Variants in PLB1 observed in about 807,000 individuals in gnomAD.
PLB1 encodes the protein phospholipase B1, also known as phospholipase B1, membrane-associated.
Under a neutral mutation model 227.4 loss-of-function variants are expected in PLB1, and 242 were observed. The observed-to-expected ratio is 1.06, with a 90% CI of 0.96 to 1.18. PLB1 has a LOEUF of 1.18. Among genes scored for constraint, PLB1 ranks in the 50% most tolerant of loss-of-function variants. The probability of loss-of-function intolerance (pLI) is 0.00; values close to 1 mark genes in which losing one functional copy is unlikely to be tolerated. For missense variants in PLB1, 1,858 were observed against 1,816.3 expected (o/e 1.02, Z -0.42); for synonymous variants, 757 against 682.2 (o/e 1.11, Z -1.71).
At chr2:28,573,142 A>G (rs924672190) in intron 20 of PLB1, 55 bp from the exon 21 acceptor site, 37 of 1,399,958 alleles carry the variant, frequency 2.6e-5, no homozygotes, top group Non-Finnish European at 3.5e-5. Flanking sequence ...TATCAAAGGA[A>G]TTTGAAGATT....
chr2:28,618,334 C>G lies in PLB1; in HGVS notation c.3257-7C>G. 5 of 1,614,004 alleles carry G rather than the reference C, an allele frequency of 3.1e-6. No individual in the cohort carries two copies. The highest frequency in any genetic ancestry group is 4.2e-6 in the Non-Finnish European group (5 of 1,179,892). The stretch of plus-strand genomic sequence containing the variant: ...CCCACAACCACCTCTCTGCTTGTCT[C>G]CCCTAGTCCACCAGCTCCGACCAGC... On this transcript the variant is annotated splice_polypyrimidine_tract_variant and splice_region_variant and intron_variant, in intron 45 of 57. Coordinates refer to ENST00000327757, the MANE Select transcript of PLB1 (RefSeq NM_153021.5).
Position 28,525,355 on chromosome 2 carries a change from C to G in PLB1, c.284+48C>G, listed in dbSNP as rs753647562. 19 of 1,574,852 alleles carry G rather than the reference C, an allele frequency of 1.2e-5. No individual in the cohort carries two copies. In the African/African-American group the frequency reaches 2.3e-4, roughly 19 times the overall value. ...AAACAGAAAGGAGCCCGGAGATGCT[C>G]CCATCTAATCTTCTTGCCTTATTAA... On this transcript the variant is annotated intron_variant, in intron 5 of 57. Coordinates refer to ENST00000327757, the MANE Select transcript of PLB1 (RefSeq NM_153021.5).
At chr2:28,633,772 C>A (rs994450572) in intron 56 of PLB1, among the ~76,000 whole-genome samples, 1 of 152,244 alleles carries the variant, frequency 6.6e-6, no homozygotes, top group Non-Finnish European at 1.5e-5. Context: ...ACAACTGGAT[C>A]CTCTTGCACG....
chr2:28,627,702 G>T (rs1024394024), intron 51 of PLB1, among the ~76,000 whole-genome samples: 2 of 152,148 alleles, frequency 1.3e-5, no homozygotes, highest in Non-Finnish European at 2.9e-5. Flanking sequence ...CAGTGTGCTG[G>T]AATTGAGTGC....
In PLB1 at chr2:28,618,311, C is replaced by A. The variant is rs568829278; in HGVS notation, c.3257-30C>A. The A allele has an allele frequency of 1.9e-6, 3 of 1,608,534 alleles. No homozygotes were observed. In the South Asian group the frequency reaches 3.3e-5, roughly 18 times the overall value. ...TTAAGAGGTAGATACCCCCAGCCCC[C>A]ACAACCACCTCTCTGCTTGTCTCCC... is the stretch of plus-strand genomic sequence containing the variant. On this transcript the variant is annotated intron_variant, in intron 45 of 57. Coordinates refer to ENST00000327757, the MANE Select transcript of PLB1 (RefSeq NM_153021.5).
intron 19 of PLB1, among the ~76,000 whole-genome samples, chr2:28,566,151 C>G (rs75683675): frequency 0.036 from 5,485 of 152,174 alleles, 141 homozygotes; most frequent in Middle Eastern, 0.075. Flanking sequence ...ACCTGAGTGC[C>G]GAGTCTCTGG....
intron 32 of PLB1, among the ~76,000 whole-genome samples, chr2:28,593,266 T>A (rs1435469422): frequency 6.6e-6 from 1 of 152,208 alleles, no homozygotes; most frequent in Non-Finnish European, 1.5e-5. Flanking sequence ...AATGTGAGAC[T>A]TAGGAGAGAT....
Position 28,593,375 on chromosome 2 carries a change from C to T in PLB1, c.2248-306C>T, listed in dbSNP as rs536180030. 1.2e-4 allele frequency among the ~76,000 whole-genome samples: 18 copies of T among 152,340 alleles called. No homozygotes were observed. In the South Asian group the frequency reaches 2.9e-3, roughly 25 times the overall value. ...GAACGACATTATTAACACTCTCTCACGTTTGTAAAACACTTGAGAGTTTTC... is the reference window on the plus strand; with the variant it reads ...GAACGACATTATTAACACTCTCTCATGTTTGTAAAACACTTGAGAGTTTTC... On this transcript the variant is annotated intron_variant, in intron 32 of 57. Coordinates refer to ENST00000327757, the MANE Select transcript of PLB1 (RefSeq NM_153021.5).
intron 13 of PLB1, among the ~76,000 whole-genome samples, 184 bp downstream of exon 13, chr2:28,541,995 T>C (rs975269626): frequency 2.0e-5 from 3 of 152,054 alleles, no homozygotes; most frequent in Admixed American, 6.5e-5. Flanking sequence ...TAGCCAGGCA[T>C]GATGGTGGGC....
In PLB1 at chr2:28,532,105, C is replaced by G. The variant is rs1020971568; in HGVS notation, c.469-3C>G. The G allele has an allele frequency of 6.2e-6, 10 of 1,608,376 alleles. No individual in the cohort carries two copies. Among genetic ancestry groups the G allele is most frequent in the Non-Finnish European group, 8.5e-6 (10 of 1,176,604 alleles). On this transcript the variant is annotated splice_region_variant and splice_polypyrimidine_tract_variant and intron_variant, in intron 8 of 57. Transcript: ENST00000327757. ...CTTTTCATGCTGTTGCCCTTTTATT[C>G]AGCAACTTGACTTTCAATTTGACTG...
chr2:28,606,793 G>A (rs1386374067), intron 43 of PLB1, among the ~76,000 whole-genome samples: 1 of 152,190 alleles, frequency 6.6e-6, no homozygotes, highest in Non-Finnish European at 1.5e-5. Flanking sequence ...AGGGAGAGGA[G>A]GCCTGGGCCC....
At chr2:28,642,694 AG>A (rs1690104809) in intron 57 of PLB1, among the ~76,000 whole-genome samples, 163 bp from the exon 58 acceptor site, 1 of 152,176 alleles carries the variant, frequency 6.6e-6, no homozygotes, top group Non-Finnish European at 1.5e-5. Flanking sequence ...CCCGCTAAAG[AG>A]GGTTTGGGCA....
chr2:28,533,126 G>C (rs1202446414), intron 9 of PLB1, among the ~76,000 whole-genome samples: 2 of 152,024 alleles, frequency 1.3e-5, no homozygotes, highest in African/African-American at 4.8e-5. Flanking sequence ...TTTCTTTTCT[G>C]TGCCCCTCTC....
At chr2:28,626,557 C>A in intron 51 of PLB1, 49 bp downstream of exon 51, 1 of 1,527,186 alleles carries the variant, frequency 6.5e-7, no homozygotes, top group Non-Finnish European at 9.1e-7. Flanking sequence ...AGGTGCTGAC[C>A]TCTGGCAACA....
At position 28,604,680 on chromosome 2, in the gene PLB1, C is replaced by G. The variant is rs780016305; in HGVS notation, c.2882C>G (p.Ser961Ter). Residue 961 changes from serine (S) to a stop codon, truncating the protein, a stop_gained, in exon 41 of 58, where the codon TCA (serine) becomes TGA (stop). Coordinates refer to ENST00000327757, the MANE Select transcript of PLB1 (RefSeq NM_153021.5). LOFTEE classifies it high-confidence loss of function. ...YRSSMRELVG[S>*]GRYDTQEDFS... ...AGCAGCATGCGCGAGCTGGTGGGGT[C>G]AGGCCGCTATGACACGCAGGAGGAC... 3 of 1,614,122 alleles carry G rather than the reference C, an allele frequency of 1.9e-6. No homozygotes were observed. In the African/African-American group the frequency reaches 4.0e-5, roughly 22 times the overall value.
At chr2:28,525,729 A>G (rs149104521) in intron 5 of PLB1, among the ~76,000 whole-genome samples, 176 bp from the exon 6 acceptor site, 1 of 152,134 alleles carries the variant, frequency 6.6e-6, no homozygotes, top group Non-Finnish European at 1.5e-5. Flanking sequence ...TGTTTTCCCC[A>G]TTTTGGCTAC....
chr2:28,580,357 G>C (rs11679136), intron 23 of PLB1, among the ~76,000 whole-genome samples: 1 of 152,028 alleles, frequency 6.6e-6, no homozygotes, highest in East Asian at 1.9e-4. Flanking sequence ...GAGACAGGCA[G>C]TTCATCACAG....
At chr2:28,596,464 C>T (rs1682928128) in intron 33 of PLB1, among the ~76,000 whole-genome samples, 2 of 152,096 alleles carry the variant, frequency 1.3e-5, no homozygotes, top group Non-Finnish European at 2.9e-5. Flanking sequence ...TACCTTTAAA[C>T]AAGAAATTAC....
Position 28,508,022 on chromosome 2 carries a change from T to C in PLB1, c.56-8786T>C, listed in dbSNP as rs1403181265. 4.6e-5 allele frequency among the ~76,000 whole-genome samples: 7 copies of C among 152,302 alleles called. No individual in the cohort carries two copies. In the East Asian group the frequency reaches 1.2e-3, roughly 25 times the overall value. On this transcript the variant is annotated intron_variant, in intron 1 of 57. Coordinates refer to ENST00000327757, the MANE Select transcript of PLB1 (RefSeq NM_153021.5). ...GTAAATCTAGAGTGACTAATGGTAA[T>C]AAGGACAGCTGGAAATACTGATCTA...
Sources: allele counts gnomAD v4.1 joint callset (sites outside exome capture counted in the v4.1 genomes callset), GRCh38; gene constraint gnomAD v4.1.1; transcripts MANE v1.5; gene names NCBI Gene and HGNC (gene_info 2026-07-23, HGNC 2026-07-21).